The following CD28 variants were observed in gnomAD, a reference collection of about 807,000 sequenced individuals.
The protein encoded by CD28 is CD28 molecule, also known as T-cell-specific surface glycoprotein CD28.
A neutral mutation model predicts 21.4 loss-of-function variants in CD28; 8 were observed. That is an observed-to-expected ratio of 0.37 (90% confidence interval 0.22 to 0.68). The LOEUF (loss-of-function observed/expected upper bound fraction) is 0.68, where lower values mean the gene tolerates loss of function less well. Ranked by LOEUF, CD28 falls within the 30% of genes least tolerant of loss-of-function variation. CD28 has a pLI of 0.55. For missense variants in CD28, 239 were observed against 272.2 expected (o/e 0.88, Z 0.86); for synonymous variants, 106 against 104.0 (o/e 1.02, Z -0.12).
At position 203,707,186 on chromosome 2, in the gene CD28, T is replaced by TTTC. The variant is rs1559548389; in HGVS notation, c.52+440_52+441insCTT. ...GTATCGTTTCTTTCTTTCTTTCTTT[T>TTTC]TTTTTTTAATTTAAGAAAGCTGCTG... On this transcript the variant is annotated intron_variant, in intron 1 of 3. Coordinates refer to ENST00000324106, the MANE Select transcript of CD28 (RefSeq NM_006139.4). Among the ~76,000 whole-genome samples, 32 of 151,728 alleles carry TTTC rather than the reference T, an allele frequency of 2.1e-4. 1 individual carries two copies. Among genetic ancestry groups the TTTC allele is most frequent in the Middle Eastern group, 6.8e-3 (2 of 294 alleles).
intron 1 of CD28, among the ~76,000 whole-genome samples, chr2:203,708,839 A>G (rs765773841): frequency 3.3e-5 from 5 of 152,254 alleles, no homozygotes; most frequent in Non-Finnish European, 7.3e-5. Flanking sequence ...TAAAAAATGT[A>G]TGATTTGGCC....
intron 1 of CD28, among the ~76,000 whole-genome samples, chr2:203,708,962 A>G (rs978425512): frequency 1.3e-5 from 2 of 152,196 alleles, no homozygotes; most frequent in East Asian, 3.8e-4. Context: ...TCTACTAAAA[A>G]TACAAAAAAA....
chr2:203,734,553 G>A (rs762438290), intron 3 of CD28, among the ~76,000 whole-genome samples: 15 of 152,192 alleles, frequency 9.9e-5, no homozygotes, highest in Non-Finnish European at 1.9e-4. Context: ...AGCATTGAGA[G>A]TAACAGGGAT....
chr2:203,723,124 A>C (rs559291918), intron 1 of CD28, among the ~76,000 whole-genome samples: 1 of 152,208 alleles, frequency 6.6e-6, no homozygotes, highest in Admixed American at 6.5e-5. Flanking sequence ...ACTAGGCCAT[A>C]GTGGCTTTCA....
chr2:203,734,655 T>G (rs903771024), intron 3 of CD28, 129 bp from the exon 4 acceptor site: 13 of 1,076,178 alleles, frequency 1.2e-5, no homozygotes, highest in Non-Finnish European at 1.6e-5. Flanking sequence ...AAGTCCAAGG[T>G]GCTCAAAAAA....
chr2:203,714,306 G>A (rs1193491820), intron 1 of CD28, among the ~76,000 whole-genome samples: 1 of 152,076 alleles, frequency 6.6e-6, no homozygotes, highest in Non-Finnish European at 1.5e-5. Flanking sequence ...TGCACACTAT[G>A]GCTAGGCTTG....
At chr2:203,711,114 CA>C (rs1693299788) in intron 1 of CD28, among the ~76,000 whole-genome samples, 1 of 151,954 alleles carries the variant, frequency 6.6e-6, no homozygotes, top group Non-Finnish European at 1.5e-5. Flanking sequence ...GTGTTAGCAC[CA>C]AAAACCCAAA....
chr2:203,726,838 T>C lies in CD28; in HGVS notation c.258T>C (p.Cys86=). Residue 86 remains cysteine (C), a synonymous_variant, in exon 2 of 4, where the codon TGT becomes TGC. Transcript: ENST00000324106. The part of the protein sequence containing the change: ...LQVYSKTGFN[C]DGKLGNESVT... The stretch of plus-strand genomic sequence containing the variant: ...TTTACTCAAAAACGGGGTTCAACTG[T>C]GATGGGAAATTGGGCAATGAATCAG... 1 of 1,614,124 alleles carries C rather than the reference T, an allele frequency of 6.2e-7. No homozygotes were observed. The highest frequency in any genetic ancestry group is 8.5e-7 in the Non-Finnish European group (1 of 1,180,012).
intron 1 of CD28, among the ~76,000 whole-genome samples, chr2:203,719,244 C>CT (rs147512678): frequency 0.17 from 26,452 of 152,100 alleles, 2,387 homozygotes; most frequent in Middle Eastern, 0.19. Flanking sequence ...TACTTCTTCT[C>CT]TTTTTTTCCC....
intron 1 of CD28, among the ~76,000 whole-genome samples, chr2:203,725,341 T>C (rs997095440): frequency 3.3e-5 from 5 of 151,862 alleles, no homozygotes; most frequent in Non-Finnish European, 5.9e-5. Context: ...GGTTGCAAAG[T>C]TGATTCCCAG....
chr2:203,708,349 C>G (rs969590570), intron 1 of CD28, among the ~76,000 whole-genome samples: 1 of 152,138 alleles, frequency 6.6e-6, no homozygotes, highest in Non-Finnish European at 1.5e-5. Flanking sequence ...GAATCTTTAA[C>G]ATTTATTTTA....
chr2:203,716,509 C>T (rs567843010), intron 1 of CD28, among the ~76,000 whole-genome samples: 13 of 152,264 alleles, frequency 8.5e-5, no homozygotes, highest in Non-Finnish European at 5.9e-5. Context: ...GAATGAATGA[C>T]GCTGTCACAG....
At chr2:203,731,900 G>A (rs561433517) in intron 3 of CD28, among the ~76,000 whole-genome samples, 3 of 152,052 alleles carry the variant, frequency 2.0e-5, no homozygotes, top group Non-Finnish European at 2.9e-5. Context: ...TAGTCAATTC[G>A]GTTACCCAAT....
chr2:203,720,810 G>T (rs1022213929), intron 1 of CD28, among the ~76,000 whole-genome samples: 1 of 152,156 alleles, frequency 6.6e-6, no homozygotes, highest in East Asian at 1.9e-4. Context: ...GAAAATAAGA[G>T]AAATCAGAAT....
chr2:203,707,647 T>C (rs1308825399), intron 1 of CD28, among the ~76,000 whole-genome samples: 1 of 152,220 alleles, frequency 6.6e-6, no homozygotes, highest in Non-Finnish European at 1.5e-5. Flanking sequence ...CACACAGTTC[T>C]CGTAACTAGA....
intron 3 of CD28, among the ~76,000 whole-genome samples, chr2:203,733,955 A>G (rs1693961480): frequency 6.6e-6 from 1 of 152,162 alleles, no homozygotes; most frequent in Non-Finnish European, 1.5e-5. Flanking sequence ...GTATCATGTC[A>G]TTCATGTACA....
chr2:203,711,660 T>C (rs1693315610), intron 1 of CD28, among the ~76,000 whole-genome samples: 1 of 152,224 alleles, frequency 6.6e-6, no homozygotes. Context: ...TCTGATCTAA[T>C]TGTGAGCCCC....
chr2:203,734,747 C>A (rs371010635), intron 3 of CD28, 37 bp from the exon 4 acceptor site: 1 of 1,612,402 alleles, frequency 6.2e-7, no homozygotes, highest in African/African-American at 1.3e-5. Context: ...CCTTCCATGA[C>A]ATTGTCCCTC....
chr2:203,724,272 T>C (rs908984805), intron 1 of CD28, among the ~76,000 whole-genome samples: 3 of 152,196 alleles, frequency 2.0e-5, no homozygotes, highest in African/African-American at 7.2e-5. Flanking sequence ...TATTTCTTTA[T>C]GGAGTAATGA....
Sources: gnomAD v4.1 joint callset for allele counts (sites outside exome capture counted in the v4.1 genomes callset) on GRCh38, gnomAD v4.1.1 for gene constraint, MANE v1.5 for transcripts, NCBI Gene and HGNC (gene_info 2026-07-23, HGNC 2026-07-21) for gene names.